The following JAML variants were observed in gnomAD, a reference collection of about 807,000 sequenced individuals.
JAML encodes junctional adhesion molecule-like.
A neutral mutation model predicts 39.3 loss-of-function variants in JAML; 25 were observed. The ratio of observed to expected loss-of-function variants is 0.64; its 90% CI spans 0.46 to 0.89. JAML has a LOEUF of 0.89. Ranked by LOEUF, JAML falls within the 40% of genes least tolerant of loss-of-function variation. The pLI, the probability that JAML is intolerant of heterozygous loss-of-function variation, is 0.00. For synonymous variants in JAML, 162 were observed against 179.2 expected, an observed-to-expected ratio of 0.90 and a Z score of 0.77; for missense variants, 440 against 486.9, an observed-to-expected ratio of 0.90 and a Z score of 0.91.
intron 2 of JAML, among the ~76,000 whole-genome samples, chr11:118,214,184 G>A (rs1949110340): frequency 6.6e-6 from 1 of 152,210 alleles, no homozygotes; most frequent in African/African-American, 2.4e-5. Flanking sequence ...TGAAAACCTA[G>A]AAACCAGTGG....
At chr11:118,215,225 A>C (rs1296406783) in intron 1 of JAML, among the ~76,000 whole-genome samples, 1 of 152,212 alleles carries the variant, frequency 6.6e-6, no homozygotes, top group Non-Finnish European at 1.5e-5. Context: ...CAAGAGAAAA[A>C]AAGCAAATGA....
At chr11:118,207,555 T>C (rs1348338964) in intron 4 of JAML, among the ~76,000 whole-genome samples, 1 of 152,032 alleles carries the variant, frequency 6.6e-6, no homozygotes, top group Non-Finnish European at 1.5e-5. Context: ...TTAAGAACTA[T>C]GAAAAAAAGA....
intron 1 of JAML, among the ~76,000 whole-genome samples, chr11:118,220,130 C>T (rs956517244): frequency 3.3e-5 from 5 of 152,194 alleles, no homozygotes; most frequent in Non-Finnish European, 5.9e-5. Flanking sequence ...CTCTTTCTCA[C>T]TCTAAATTCT....
intron 6 of JAML, chr11:118,202,861 T>TCAAC (rs950283043): frequency 4.4e-5 from 19 of 434,150 alleles, no homozygotes; most frequent in African/African-American, 3.4e-4. Flanking sequence ...CCCTCACTTA[T>TCAAC]CAACCTCTCT....
intron 1 of JAML, among the ~76,000 whole-genome samples, chr11:118,216,147 G>A (rs1042571107): frequency 1.3e-5 from 2 of 152,062 alleles, no homozygotes; most frequent in Admixed American, 6.5e-5. Flanking sequence ...CAAGGCGGGC[G>A]GATAACGAGG....
chr11:118,196,197 C>T (rs12808254), intron 9 of JAML, among the ~76,000 whole-genome samples: 10,931 of 146,920 alleles, frequency 0.074, 432 homozygotes, highest in Middle Eastern at 0.14. Flanking sequence ...TGGTGGATCT[C>T]GGCTCATGTA....
intron 9 of JAML, among the ~76,000 whole-genome samples, chr11:118,195,806 CTTATCCTAT>C (rs1238708181): frequency 6.6e-6 from 1 of 152,156 alleles, no homozygotes; most frequent in Non-Finnish European, 1.5e-5. Context: ...GCCCAAGGAT[CTTATCCTAT>C]TTATCCTATT....
rs538146241 is a variant in JAML at position 118,201,977 on chromosome 11, C to G, written c.773-1365G>C. On this transcript the variant is annotated intron_variant, in intron 6 of 9. Transcript: ENST00000356289. ...CTTGTGTAGAGTTGACTAAGTATAT[C>G]CATGGGTGTGTGTGGAACTGTGTCC... is the stretch of plus-strand genomic sequence containing the variant. 9.1e-3 allele frequency: 1,386 copies of G among 152,278 alleles called. 7 individuals are homozygous for G. The highest frequency in any genetic ancestry group is 0.021 in the South Asian group (99 of 4,812). 9.4% of individuals were successfully genotyped at this position (152,278 alleles called of 1,614,324 possible). A position where few individuals can be genotyped will look rare whatever the true frequency, so the allele number is the denominator to read the frequency against.
intron 7 of JAML, among the ~76,000 whole-genome samples, chr11:118,198,395 G>GA (rs1162849222): frequency 6.6e-6 from 1 of 152,216 alleles, no homozygotes; most frequent in African/African-American, 2.4e-5. Flanking sequence ...TGAAGAGAGA[G>GA]AGGGGAGATG....
chr11:118,206,018 A>T (rs1948908969), intron 4 of JAML, 27 bp from the exon 5 acceptor site: 1 of 1,564,996 alleles, frequency 6.4e-7, no homozygotes, highest in African/African-American at 1.4e-5. Flanking sequence ...AAATCAAGTC[A>T]GACTCAAGTT....
At chr11:118,200,364 C>A in intron 7 of JAML, 110 bp downstream of exon 7, 3 of 1,313,056 alleles carry the variant, frequency 2.3e-6, no homozygotes, top group Non-Finnish European at 3.1e-6. Context: ...AAAAATACCC[C>A]CTTCTGTGAG....
chr11:118,198,753 G>A (rs1033290544), intron 7 of JAML, among the ~76,000 whole-genome samples: 1 of 150,604 alleles, frequency 6.6e-6, no homozygotes, highest in Non-Finnish European at 1.5e-5. Flanking sequence ...TATTTTCCTT[G>A]TATTTTCTGC....
intron 2 of JAML, chr11:118,213,041 G>A: frequency 6.2e-7 from 1 of 1,602,288 alleles, no homozygotes; most frequent in South Asian, 1.1e-5. Context: ...TTTGCTGGCT[G>A]ATTCTGGCTG....
Position 118,203,591 on chromosome 11 carries a change from CT to C in JAML, c.608del (p.Gln203ArgfsTer4). On this transcript the variant is annotated frameshift_variant, in exon 6 of 10. Coordinates refer to ENST00000356289, the MANE Select transcript of JAML (RefSeq NM_001098526.2). LOFTEE classifies it high-confidence loss of function. ...TGTCCCCCACCAGGTTCACACGATTCTGGAAGTGGCCCCAGCTCTGGGAGTA... is the reference window on the plus strand; with the variant it reads ...TGTCCCCCACCAGGTTCACACGATTCGGAAGTGGCCCCAGCTCTGGGAGTA... Reference protein sequence around the residue: ...VEYSQSWGHFQNRVNLVGDIF... With the variant: ...VEYSQSWGHFXNRVNLVGDIF... 1 of 1,614,178 alleles carries C rather than the reference CT, an allele frequency of 6.2e-7. No homozygotes were observed. The highest frequency in any genetic ancestry group is 8.5e-7 in the Non-Finnish European group (1 of 1,180,032).
chr11:118,196,672 C>CCCACCA lies in JAML; in HGVS notation c.1092+57_1092+62dup, dbSNP rs748773343. The CCCACCA allele has an allele frequency of 7.6e-6, 11 of 1,453,970 alleles. No individual in the cohort carries two copies. In the East Asian group the frequency reaches 2.0e-4, roughly 27 times the overall value. The allele number at this position is 1,453,970 out of a possible 1,614,324, so 90.1% of individuals were successfully genotyped here. ...GCCTCCCTTGGGCAACCCAGCCACG[C>CCCACCA]CCACCACCACCACCACCTGAGCCTC... On this transcript the variant is annotated intron_variant, in intron 9 of 9. Coordinates refer to ENST00000356289, the MANE Select transcript of JAML (RefSeq NM_001098526.2).
At chr11:118,219,471 C>T (rs1271418371) in intron 1 of JAML, among the ~76,000 whole-genome samples, 3 of 152,154 alleles carry the variant, frequency 2.0e-5, no homozygotes, top group African/African-American at 7.2e-5. Flanking sequence ...AATCAAACAA[C>T]CTGAGGGCAC....
At chr11:118,199,530 A>G (rs1948730238) in intron 7 of JAML, among the ~76,000 whole-genome samples, 1 of 152,144 alleles carries the variant, frequency 6.6e-6, no homozygotes, top group African/African-American at 2.4e-5. Flanking sequence ...GTCGATCTGC[A>G]CTACAAGCAT....
chr11:118,206,485 T>A (rs1452376986), intron 4 of JAML, among the ~76,000 whole-genome samples: 1 of 152,142 alleles, frequency 6.6e-6, no homozygotes, highest in East Asian at 1.9e-4. Context: ...AGAACTCTCA[T>A]TCTTATATTT....
chr11:118,196,147 T>G (rs1371772770), intron 9 of JAML, among the ~76,000 whole-genome samples: 4 of 148,256 alleles, frequency 2.7e-5, no homozygotes, highest in African/African-American at 1.0e-4. Context: ...TTTTTTTTTT[T>G]GAAACAGAGT....
Sources: gnomAD v4.1 joint callset for allele counts (sites outside exome capture counted in the v4.1 genomes callset) on GRCh38, gnomAD v4.1.1 for gene constraint, MANE v1.5 for transcripts, NCBI Gene and HGNC (gene_info 2026-07-23, HGNC 2026-07-21) for gene names.